Variants in SNTG1 observed in about 807,000 individuals in gnomAD.
SNTG1 encodes the protein gamma-1-syntrophin.
SNTG1 carries 39 observed loss-of-function variants against 74.7 expected under a neutral mutation model. That is an observed-to-expected ratio of 0.52 (90% CI 0.40 to 0.68). SNTG1 has a LOEUF of 0.68. Among genes scored for constraint, SNTG1 ranks in the 30% least tolerant of loss-of-function variants. SNTG1 has a pLI of 0.00. For missense variants in SNTG1, 685 were observed against 609.5 expected (o/e 1.12, Z -1.30); for synonymous variants, 254 against 217.1 (o/e 1.17, Z -1.49).
chr8:50,617,475 C>G (rs1314935041), intron 13 of SNTG1, among the ~76,000 whole-genome samples: 1 of 151,728 alleles, frequency 6.6e-6, no homozygotes, highest in Non-Finnish European at 1.5e-5. Flanking sequence ...CTAAGCTGAG[C>G]TAAGAAAATA....
chr8:50,127,290 A>G (rs933948518), intron 1 of SNTG1, among the ~76,000 whole-genome samples: 1 of 152,128 alleles, frequency 6.6e-6, no homozygotes, highest in African/African-American at 2.4e-5. Flanking sequence ...ATTAAGTGGT[A>G]CCAACATTGC....
At chr8:50,289,461 C>G (rs978527450) in intron 2 of SNTG1, among the ~76,000 whole-genome samples, 1 of 152,156 alleles carries the variant, frequency 6.6e-6, no homozygotes, top group Non-Finnish European at 1.5e-5. Flanking sequence ...CTTCCTCTTG[C>G]TTATACCTTA....
intron 2 of SNTG1, among the ~76,000 whole-genome samples, chr8:50,214,806 G>A (rs527607889): frequency 2.6e-5 from 4 of 152,186 alleles, no homozygotes; most frequent in South Asian, 4.1e-4. Flanking sequence ...ATAGAGAATA[G>A]CCAAGTCAAA....
chr8:50,250,924 C>A (rs1285971300), intron 2 of SNTG1, among the ~76,000 whole-genome samples: 1 of 151,924 alleles, frequency 6.6e-6, no homozygotes, highest in Non-Finnish European at 1.5e-5. Context: ...CATAACCATA[C>A]CCAGAATTCC....
intron 18 of SNTG1, among the ~76,000 whole-genome samples, chr8:50,790,663 A>G (rs2095688304): frequency 6.6e-6 from 1 of 151,894 alleles, no homozygotes; most frequent in African/African-American, 2.4e-5. Flanking sequence ...TGAAGAGTCA[A>G]ACTTGGATCC....
intron 1 of SNTG1, among the ~76,000 whole-genome samples, chr8:50,156,814 T>A (rs2082269223): frequency 2.0e-5 from 3 of 152,178 alleles, no homozygotes; most frequent in Non-Finnish European, 1.5e-5. Flanking sequence ...AATTAAACCA[T>A]CTTGGGCTAC....
intron 8 of SNTG1, among the ~76,000 whole-genome samples, chr8:50,478,962 T>C (rs1229526386): frequency 6.6e-6 from 1 of 152,184 alleles, no homozygotes; most frequent in Admixed American, 6.5e-5. Flanking sequence ...ATTTATTAAG[T>C]AAATACAAAC....
At chr8:50,642,870 C>T (rs1321714171) in intron 13 of SNTG1, among the ~76,000 whole-genome samples, 3 of 152,036 alleles carry the variant, frequency 2.0e-5, no homozygotes, top group Non-Finnish European at 4.4e-5. Flanking sequence ...TACATTTTCA[C>T]AGGTATTTCC....
At chr8:50,533,641 T>A (rs1019783934) in intron 10 of SNTG1, among the ~76,000 whole-genome samples, 1 of 152,122 alleles carries the variant, frequency 6.6e-6, no homozygotes, top group Non-Finnish European at 1.5e-5. Context: ...AGGAGAAAAA[T>A]TCTTTAAAGG....
chr8:50,413,626 C>T (rs1459764675), intron 4 of SNTG1, among the ~76,000 whole-genome samples: 2 of 152,162 alleles, frequency 1.3e-5, no homozygotes, highest in Non-Finnish European at 2.9e-5. Flanking sequence ...TTCTTCAATT[C>T]TGAAGAATTT....
At chr8:50,374,958 A>G (rs2092345950) in intron 2 of SNTG1, among the ~76,000 whole-genome samples, 1 of 152,154 alleles carries the variant, frequency 6.6e-6, no homozygotes, top group South Asian at 2.1e-4. Flanking sequence ...TGGGAAGTAA[A>G]ATTAAAAAGT....
intron 15 of SNTG1, among the ~76,000 whole-genome samples, chr8:50,701,265 G>A (rs145852416): frequency 6.6e-6 from 1 of 152,136 alleles, no homozygotes; most frequent in Non-Finnish European, 1.5e-5. Context: ...TGAAATATCT[G>A]CAGTATAAAG....
At chr8:50,449,548 G>A in intron 5 of SNTG1, 120 bp from the exon 6 acceptor site, 2 of 649,656 alleles carry the variant, frequency 3.1e-6, no homozygotes, top group Non-Finnish European at 4.5e-6. Flanking sequence ...AATTCCACAA[G>A]TTTATTTAAA....
At chr8:50,367,596 T>TATA (rs2092151059) in intron 2 of SNTG1, among the ~76,000 whole-genome samples, 1 of 152,198 alleles carries the variant, frequency 6.6e-6, no homozygotes, top group Non-Finnish European at 1.5e-5. Context: ...AACAACTGAT[T>TATA]ATACTAATGT....
At chr8:50,140,527 T>C (rs1200801635) in intron 1 of SNTG1, among the ~76,000 whole-genome samples, 3 of 152,030 alleles carry the variant, frequency 2.0e-5, no homozygotes, top group Non-Finnish European at 4.4e-5. Context: ...AGTGTGGGTA[T>C]GAGTGTTAGA....
At chr8:50,745,940 A>C (rs544250735) in intron 17 of SNTG1, among the ~76,000 whole-genome samples, 2 of 152,052 alleles carry the variant, frequency 1.3e-5, no homozygotes, top group South Asian at 4.1e-4. Context: ...TATTCTGTAA[A>C]TGGCTAGTGG....
Position 49,960,119 on chromosome 8 carries a change from C to A in SNTG1, c.-103+47888C>A, listed in dbSNP as rs113325868. On this transcript the variant is annotated intron_variant, in intron 1 of 18. Coordinates refer to ENST00000642720, the MANE Select transcript of SNTG1 (RefSeq NM_018967.5). ...AGATCATATGAGCTGACCTGAGAAG[C>A]TTCCTTTTGTAACTGTTTTTCTTTG... Among the ~76,000 whole-genome samples, 227 of 152,298 alleles carry A rather than the reference C, an allele frequency of 1.5e-3. 1 individual carries two copies. The highest frequency in any genetic ancestry group is 2.1e-3 in the Non-Finnish European group (142 of 68,032).
At chr8:50,781,053 A>G (rs879696311) in intron 18 of SNTG1, among the ~76,000 whole-genome samples, 6 of 152,188 alleles carry the variant, frequency 3.9e-5, no homozygotes, top group Non-Finnish European at 7.3e-5. Flanking sequence ...GTTTGATTGC[A>G]CTGTGGTCTG....
chr8:50,527,364 C>G (rs1250239215), intron 9 of SNTG1, among the ~76,000 whole-genome samples: 1 of 152,056 alleles, frequency 6.6e-6, no homozygotes, highest in Admixed American at 6.5e-5. Context: ...TGTATCCTCT[C>G]TAAGACATAC....
Sources: gnomAD v4.1 joint callset for allele counts (sites outside exome capture counted in the v4.1 genomes callset) on GRCh38, gnomAD v4.1.1 for gene constraint, MANE v1.5 for transcripts, NCBI Gene and HGNC (gene_info 2026-07-23, HGNC 2026-07-21) for gene names.